The following UBXN7 variants were observed in gnomAD, a reference collection of about 807,000 sequenced individuals.
UBXN7 encodes the protein UBX domain protein 7.
Under a neutral mutation model 58.0 loss-of-function variants are expected in UBXN7, and 9 were observed. The observed-to-expected ratio is 0.16, with a 90% confidence interval of 0.09 to 0.27. The LOEUF (loss-of-function observed/expected upper bound fraction) is 0.27, where lower values mean the gene tolerates loss of function less well. Ranked by LOEUF, UBXN7 falls within the 10% of genes least tolerant of loss-of-function variation. The probability of loss-of-function intolerance (pLI) is 1.00; values close to 1 mark genes in which losing one functional copy is unlikely to be tolerated. For missense variants in UBXN7, 328 were observed against 599.6 expected (o/e 0.55, Z 4.73); for synonymous variants, 208 against 205.0 (o/e 1.01, Z -0.12).
At chr3:196,395,930 C>T (rs9839978) in intron 3 of UBXN7, among the ~76,000 whole-genome samples, 79,840 of 151,704 alleles carry the variant, frequency 0.53, 21,438 homozygotes, top group East Asian at 0.9. Flanking sequence ...CACGCCCAGC[C>T]AATTTTTGTA....
At chr3:196,425,095 A>C (rs1350394343) in intron 1 of UBXN7, among the ~76,000 whole-genome samples, 1 of 152,138 alleles carries the variant, frequency 6.6e-6, no homozygotes, top group Non-Finnish European at 1.5e-5. Context: ...CTCCATCTGG[A>C]AGTCCTATTA....
At chr3:196,385,193 G>A (rs530503861) in intron 5 of UBXN7, among the ~76,000 whole-genome samples, 16 of 152,324 alleles carry the variant, frequency 1.1e-4, no homozygotes, top group East Asian at 1.9e-4. Context: ...TGGTGGAGAC[G>A]GGGTTTCGCC....
At position 196,362,471 on chromosome 3, in the gene UBXN7, G is replaced by A; in HGVS notation, c.1051C>T (p.Pro351Ser). The A allele has an allele frequency of 6.2e-7, 1 of 1,614,110 alleles. No individual in the cohort carries two copies. The highest frequency in any genetic ancestry group is 8.5e-7 in the Non-Finnish European group (1 of 1,180,028). The change falls in exon 9 of 11, where the codon CCC becomes TCC. Residue 351 changes from proline (P) to serine (S), a missense_variant. Pro to Ser is a moderately conservative substitution (Grantham distance 74, BLOSUM62 -1). This residue lies in a region of UBXN7 where 66 missense variants were observed against 77.9 expected (regional missense o/e 0.85). Transcript: ENST00000296328. ...TTTCTATGCCCCAAATCTTTGTGGG[G>A]AGACTTTCTGGACTTGGCAAGATTC... is the stretch of plus-strand genomic sequence containing the variant. ...VENLAKSRKS[P>S]HKDLGHRKEE...
At position 196,370,263 on chromosome 3, in the gene UBXN7, GTTTT is replaced by G. The variant is rs550875193; in HGVS notation, c.616-756_616-753del. Among the ~76,000 whole-genome samples, 121 of 125,340 alleles carry G rather than the reference GTTTT, an allele frequency of 9.7e-4. 1 individual carries two copies. The highest frequency in any genetic ancestry group is 3.5e-3 in the African/African-American group (119 of 34,336). The allele number at this position is 125,340 out of a possible 152,430, so 82.2% of individuals were successfully genotyped here. A position where few individuals can be genotyped will look rare whatever the true frequency, so the allele number is the denominator to read the frequency against. ...ACCAGCCTGGGCATCTCCACGAGAA[GTTTT>G]TTTGTTTTTTTTTGTTTGTTTGTTT... On this transcript the variant is annotated intron_variant, in intron 6 of 10. Coordinates refer to ENST00000296328, the MANE Select transcript of UBXN7 (RefSeq NM_015562.2).
intron 10 of UBXN7, among the ~76,000 whole-genome samples, chr3:196,360,385 G>A (rs758744153): frequency 1.3e-5 from 2 of 152,192 alleles, no homozygotes; most frequent in Non-Finnish European, 2.9e-5. Context: ...AGGGGGTAAT[G>A]CAGCTGGTGA....
chr3:196,422,340 G>A (rs1034132655), intron 1 of UBXN7, among the ~76,000 whole-genome samples: 2 of 152,044 alleles, frequency 1.3e-5, no homozygotes, highest in Non-Finnish European at 2.9e-5. Context: ...AATTAGCTGG[G>A]CATGGTGGTG....
intron 5 of UBXN7, among the ~76,000 whole-genome samples, chr3:196,379,532 G>A (rs895466771): frequency 2.5e-4 from 38 of 152,098 alleles, no homozygotes; most frequent in African/African-American, 8.7e-4. Context: ...GGTTGTAGAG[G>A]GAAAAAGATT....
At chr3:196,431,041 T>A (rs1731016965) in intron 1 of UBXN7, among the ~76,000 whole-genome samples, 1 of 152,200 alleles carries the variant, frequency 6.6e-6, no homozygotes, top group African/African-American at 2.4e-5. Context: ...TATCTCGTTA[T>A]CATTGCAAAG....
chr3:196,392,023 T>G (rs962147328), intron 4 of UBXN7, 98 bp from the exon 5 acceptor site: 1 of 708,312 alleles, frequency 1.4e-6, no homozygotes, highest in Non-Finnish European at 2.2e-6. Context: ...ATTGAAGGAA[T>G]TGCTGTCAAT....
At chr3:196,397,055 T>G (rs1729798434) in intron 3 of UBXN7, among the ~76,000 whole-genome samples, 4 of 152,170 alleles carry the variant, frequency 2.6e-5, no homozygotes. Context: ...ACCCTATTTC[T>G]AAGCAAAAAC....
At chr3:196,425,002 C>T (rs1264848247) in intron 1 of UBXN7, among the ~76,000 whole-genome samples, 1 of 151,906 alleles carries the variant, frequency 6.6e-6, no homozygotes, top group Non-Finnish European at 1.5e-5. Flanking sequence ...GCACCTAGCC[C>T]CATTTTTATA....
intron 1 of UBXN7, among the ~76,000 whole-genome samples, chr3:196,428,819 G>A (rs541914907): frequency 1.9e-4 from 26 of 137,570 alleles, no homozygotes; most frequent in Non-Finnish European, 3.2e-4. Flanking sequence ...GACCCAGTCC[G>A]TCTCAAAAAA....
intron 5 of UBXN7, among the ~76,000 whole-genome samples, chr3:196,374,124 A>G (rs1292049029): frequency 1.3e-5 from 2 of 152,354 alleles, no homozygotes; most frequent in African/African-American, 4.8e-5. Context: ...TAAACGGAAA[A>G]ATGACCATAC....
intron 7 of UBXN7, 122 bp downstream of exon 7, chr3:196,369,297 ACG>A: frequency 1.3e-6 from 1 of 772,798 alleles, no homozygotes; most frequent in Non-Finnish European, 2.1e-6. Flanking sequence ...AGGGAAAAAA[ACG>A]AAACCTTCAC....
chr3:196,379,759 C>T (rs1729143326), intron 5 of UBXN7, among the ~76,000 whole-genome samples: 1 of 152,146 alleles, frequency 6.6e-6, no homozygotes, highest in Admixed American at 6.6e-5. Context: ...ATCATCCCTT[C>T]TGTGATTCGC....
intron 5 of UBXN7, among the ~76,000 whole-genome samples, chr3:196,383,377 T>C (rs1729275422): frequency 6.6e-6 from 1 of 152,100 alleles, no homozygotes. Flanking sequence ...CTGTCAATAT[T>C]AGACAGATCA....
rs201109613 is a variant in UBXN7 at position 196,432,300 on chromosome 3, C to T, written c.73+27G>A. ...CGCTGCCCGCTCCGGACCCCACTCT[C>T]CACCTTCCGGTAACCGCGTCTCTTA... On this transcript the variant is annotated intron_variant, in intron 1 of 10. Coordinates refer to ENST00000296328, the MANE Select transcript of UBXN7 (RefSeq NM_015562.2). 7.5e-5 allele frequency: 121 copies of T among 1,613,048 alleles called. 1 individual carries two copies. In the African/African-American group the frequency reaches 1.1e-3, roughly 15 times the overall value.
intron 1 of UBXN7, among the ~76,000 whole-genome samples, chr3:196,429,454 A>G (rs1191255581): frequency 6.6e-6 from 1 of 152,230 alleles, no homozygotes; most frequent in Admixed American, 6.5e-5. Flanking sequence ...ATGCCAAAAA[A>G]AGATAAGACT....
At chr3:196,408,097 C>CAAAAAA (rs71621241) in intron 1 of UBXN7, among the ~76,000 whole-genome samples, 16 of 45,226 alleles carry the variant, frequency 3.5e-4, no homozygotes, top group Non-Finnish European at 4.9e-4. Context: ...GACTCTGTCT[C>CAAAAAA]AAAAAAAAAA....
Sources: gnomAD v4.1 joint callset for allele counts (sites outside exome capture counted in the v4.1 genomes callset) on GRCh38, gnomAD v4.1.1 for gene constraint, gnomAD v4.1.1 regional missense constraint, MANE v1.5 for transcripts, NCBI Gene and HGNC (gene_info 2026-07-23, HGNC 2026-07-21) for gene names.